BANK1: variants seen among roughly 807,000 people sequenced by gnomAD.
The protein encoded by BANK1 is B cell scaffold protein with ankyrin repeats 1, also known as B-cell scaffold protein with ankyrin repeats.
Under a neutral mutation model 94.5 loss-of-function variants are expected in BANK1, and 95 were observed. The observed-to-expected ratio is 1.00, with a 90% CI of 0.85 to 1.19. The LOEUF is 1.19. BANK1 is among the 50% of genes most tolerant of loss of function. The probability of loss-of-function intolerance (pLI) is 0.00; values close to 1 mark genes in which losing one functional copy is unlikely to be tolerated. For synonymous variants in BANK1, 334 were observed against 308.4 expected, an observed-to-expected ratio of 1.08 and a Z score of -0.87; for missense variants, 987 against 932.2, an observed-to-expected ratio of 1.06 and a Z score of -0.77.
Position 102,030,192 on chromosome 4 carries a change from T to A in BANK1, c.1827T>A (p.Asn609Lys). Residue 609 changes from asparagine (N) to lysine (K), a missense_variant, in exon 10 of 17, where the codon AAT becomes AAA. Asn to Lys is a moderately conservative substitution (Grantham distance 94). Transcript: ENST00000322953. ...KKTGSRSFII[N>K]RPPAPTPRPT... ...CTGGGAGTCGGTCTTTCATTATAAA[T>A]AGACCTCCTGCCCCCACACCCCGAC... 6.2e-7 allele frequency: 1 copy of A among 1,613,822 alleles called. No homozygotes were observed. Among genetic ancestry groups the A allele is most frequent in the Non-Finnish European group, 8.5e-7 (1 of 1,179,798 alleles).
rs191655619 is a variant in BANK1 at position 102,033,486 on chromosome 4, G to A, written c.1900+3221G>A. Among the ~76,000 whole-genome samples the A allele has an allele frequency of 6.1e-4, 93 of 152,122 alleles. 1 individual carries two copies. Among genetic ancestry groups the A allele is most frequent in the Non-Finnish European group, 1.0e-4 (7 of 67,988 alleles). The stretch of plus-strand genomic sequence containing the variant: ...TTTATTTATTAGTTACATAAACATC[G>A]ATTGAGTGCCAATGATAAAACCTGT... On this transcript the variant is annotated intron_variant, in intron 10 of 16. Transcript: ENST00000322953.
intron 7 of BANK1, among the ~76,000 whole-genome samples, chr4:101,969,621 A>G (rs1053861390): frequency 1.3e-5 from 2 of 152,104 alleles, no homozygotes; most frequent in African/African-American, 4.8e-5. Flanking sequence ...GAAAATATTT[A>G]TTTGAATAAA....
Position 101,830,003 on chromosome 4 carries a change from T to C in BANK1, c.266T>C (p.Leu89Pro), listed in dbSNP as rs149507674. Residue 89 changes from leucine to proline, a missense_variant, in exon 2 of 17, where the codon CTG (leucine) becomes CCG (proline). By Grantham distance (98) the Leu-to-Pro change is moderately conservative (BLOSUM62 -3). Coordinates refer to ENST00000322953, the MANE Select transcript of BANK1 (RefSeq NM_017935.5). ...KCKLLILSNS[L>P]LRDLTPKKCQ... ...AAACTTTTGATATTATCAAATAGCC[T>C]GCTTAGAGACCTAACTCCAAAGAAA... 5.5e-5 allele frequency: 88 copies of C among 1,613,176 alleles called. No individual in the cohort carries two copies. The African/African-American group carries it at 1.0e-3, about 19-fold the overall frequency.
At chr4:101,882,538 C>T (rs777893917) in intron 5 of BANK1, among the ~76,000 whole-genome samples, 1 of 152,174 alleles carries the variant, frequency 6.6e-6, no homozygotes, top group Non-Finnish European at 1.5e-5. Context: ...TTTCAAAAGA[C>T]TGCATATTGT....
chr4:102,024,688 T>C lies in BANK1; in HGVS notation c.1286-513T>C, dbSNP rs533529141. 2.0e-5 allele frequency among the ~76,000 whole-genome samples: 3 copies of C among 152,184 alleles called. No homozygotes were observed. The East Asian group carries it at 5.8e-4, about 29-fold the overall frequency. On this transcript the variant is annotated intron_variant, in intron 8 of 16. Coordinates refer to ENST00000322953, the MANE Select transcript of BANK1 (RefSeq NM_017935.5). ...TAATAGCTCCAAAGTTAATACAGTA[T>C]CTGTAAATGATTTACTATAAGGAAT...
chr4:101,968,809 A>G (rs957073994), intron 7 of BANK1, among the ~76,000 whole-genome samples: 16 of 152,100 alleles, frequency 1.1e-4, no homozygotes, highest in Admixed American at 3.9e-4. Flanking sequence ...AATCCAAACA[A>G]ATAGATACCT....
At chr4:101,888,133 C>T (rs1728922565) in intron 5 of BANK1, among the ~76,000 whole-genome samples, 1 of 152,146 alleles carries the variant, frequency 6.6e-6, no homozygotes, top group South Asian at 2.1e-4. Flanking sequence ...TAAACAAGCA[C>T]AGCAATTTGT....
intron 4 of BANK1, 151 bp downstream of exon 4, chr4:101,862,815 A>T (rs1727931189): frequency 5.0e-6 from 4 of 805,722 alleles, no homozygotes; most frequent in Non-Finnish European, 7.2e-6. Context: ...GGTTGTTATT[A>T]TTAATCTGGA....
intron 7 of BANK1, among the ~76,000 whole-genome samples, chr4:101,978,070 T>G (rs1049607781): frequency 1.3e-5 from 2 of 151,822 alleles, no homozygotes; most frequent in Non-Finnish European, 2.9e-5. Flanking sequence ...TTCAAGCAAT[T>G]CTCCTGCCTT....
intron 7 of BANK1, among the ~76,000 whole-genome samples, chr4:101,963,409 G>A (rs570643882): frequency 4.6e-5 from 7 of 152,162 alleles, no homozygotes; most frequent in Non-Finnish European, 1.0e-4. Context: ...TATTTTACTT[G>A]TTTTAACATC....
At chr4:102,022,961 ACACCCTACTCTTCATTT>A (rs879488446) in intron 8 of BANK1, among the ~76,000 whole-genome samples, 5 of 152,100 alleles carry the variant, frequency 3.3e-5, no homozygotes, top group Non-Finnish European at 4.4e-5. Flanking sequence ...TCGTTTTATG[ACACCCTACTCTTCATTT>A]CACTTTACCT....
At chr4:101,872,813 C>T (rs1301197172) in intron 5 of BANK1, among the ~76,000 whole-genome samples, 1 of 152,000 alleles carries the variant, frequency 6.6e-6, no homozygotes, top group Non-Finnish European at 1.5e-5. Context: ...AATGGCAAAA[C>T]CCCATCTCTA....
intron 15 of BANK1, 88 bp downstream of exon 15, chr4:102,072,488 T>G: frequency 1.0e-6 from 1 of 978,328 alleles, no homozygotes. Flanking sequence ...CTGTCTATGC[T>G]TTTAGACATT....
chr4:102,007,061 TATA>T (rs1371982659), intron 7 of BANK1, among the ~76,000 whole-genome samples: 1 of 113,340 alleles, frequency 8.8e-6, no homozygotes, highest in East Asian at 2.1e-4. Flanking sequence ...ATATAAAATA[TATA>T]ATTTTATATA....
rs373661445 is a variant in BANK1, at chr4:102,046,355, CAATT to C, written c.1969+2452_1969+2455del. ...CACACAATATAATTTTGCCATAATA[CAATT>C]AATACAAGAAAATTATTTTAATTAA... On this transcript the variant is annotated intron_variant, in intron 11 of 16. Transcript: ENST00000322953. Among the ~76,000 whole-genome samples the C allele has an allele frequency of 3.9e-3, 598 of 152,152 alleles. 4 individuals carry two copies. Among genetic ancestry groups the C allele is most frequent in the African/African-American group, 0.013 (559 of 41,512 alleles).
chr4:102,019,656 G>C (rs990077404), intron 7 of BANK1, among the ~76,000 whole-genome samples: 12 of 152,238 alleles, frequency 7.9e-5, no homozygotes, highest in Non-Finnish European at 1.3e-4. Context: ...AATGTCTTCA[G>C]ACTCATCTTT....
chr4:101,901,726 G>A (rs751693248), intron 6 of BANK1, among the ~76,000 whole-genome samples: 2 of 151,722 alleles, frequency 1.3e-5, no homozygotes, highest in Admixed American at 6.6e-5. Context: ...AGCTGAAGTA[G>A]TTGGCTGCAT....
intron 1 of BANK1, among the ~76,000 whole-genome samples, chr4:101,820,827 T>C (rs1483839676): frequency 6.6e-6 from 1 of 152,248 alleles, no homozygotes; most frequent in South Asian, 2.1e-4. Flanking sequence ...GGGTGCATAG[T>C]ATTCCATGGT....
chr4:102,027,915 T>A (rs1727158375), intron 9 of BANK1, among the ~76,000 whole-genome samples: 1 of 152,196 alleles, frequency 6.6e-6, no homozygotes, highest in Admixed American at 6.5e-5. Flanking sequence ...ACAGGTCTCC[T>A]AGGCTATTAG....
Sources: allele counts gnomAD v4.1 joint callset (sites outside exome capture counted in the v4.1 genomes callset), GRCh38; gene constraint gnomAD v4.1.1; transcripts MANE v1.5; gene names NCBI Gene and HGNC (gene_info 2026-07-23, HGNC 2026-07-21).